The following SPOCK1 variants were observed in gnomAD, a reference collection of about 807,000 sequenced individuals.
SPOCK1 encodes SPARC (osteonectin), cwcv and kazal like domains proteoglycan 1, also known as testican-1.
A neutral mutation model predicts 55.3 loss-of-function variants in SPOCK1; 23 were observed. The ratio of observed to expected loss-of-function variants is 0.42; its 90% CI spans 0.30 to 0.59. SPOCK1 has a LOEUF of 0.59. SPOCK1 is among the 20% of genes least tolerant of loss of function. The pLI is 0.22. For missense variants in SPOCK1, 499 were observed against 552.5 expected (o/e 0.90, Z 0.97); for synonymous variants, 226 against 221.0 (o/e 1.02, Z -0.20).
chr5:137,225,451 T>C (rs1022156367), intron 3 of SPOCK1, among the ~76,000 whole-genome samples: 4 of 151,966 alleles, frequency 2.6e-5, no homozygotes, highest in African/African-American at 9.7e-5. Context: ...TACTAACGAG[T>C]ATTAAAGAAC....
At chr5:137,337,054 C>G (rs1253407884) in intron 2 of SPOCK1, among the ~76,000 whole-genome samples, 1 of 152,198 alleles carries the variant, frequency 6.6e-6, no homozygotes, top group East Asian at 1.9e-4. Flanking sequence ...TAGAACAGTG[C>G]CTGGCACACA....
intron 2 of SPOCK1, among the ~76,000 whole-genome samples, chr5:137,304,842 C>T (rs955000352): frequency 6.6e-6 from 1 of 152,152 alleles, no homozygotes; most frequent in Non-Finnish European, 1.5e-5. Context: ...TCCTCTTCTG[C>T]CAGTGGGGGC....
chr5:137,008,542 A>G (rs990635620), intron 6 of SPOCK1, among the ~76,000 whole-genome samples: 2 of 152,234 alleles, frequency 1.3e-5, no homozygotes, highest in African/African-American at 4.8e-5. Flanking sequence ...TATACAGTTA[A>G]CCAGGAACTA....
At chr5:137,498,594 GGGC>G in intron 1 of SPOCK1, 36 bp from the exon 2 acceptor site, 1 of 1,290,790 alleles carries the variant, frequency 7.7e-7, no homozygotes, top group South Asian at 2.6e-5. Flanking sequence ...TGAGCGAAGA[GGGC>G]GGGCGGCCGC....
At chr5:137,357,238 A>G (rs1481815490) in intron 2 of SPOCK1, among the ~76,000 whole-genome samples, 1 of 152,102 alleles carries the variant, frequency 6.6e-6, no homozygotes, top group Non-Finnish European at 1.5e-5. Context: ...TGCTAACTCC[A>G]TCCATTCAGC....
intron 2 of SPOCK1, among the ~76,000 whole-genome samples, chr5:137,315,900 G>A (rs775190566): frequency 6.6e-6 from 1 of 152,182 alleles, no homozygotes; most frequent in Non-Finnish European, 1.5e-5. Context: ...TGGGGGCAGG[G>A]TGCTGGAGAG....
chr5:137,197,428 T>C (rs1465711312), intron 3 of SPOCK1, among the ~76,000 whole-genome samples: 2 of 152,304 alleles, frequency 1.3e-5, no homozygotes, highest in East Asian at 3.9e-4. Context: ...CAAGTCACTG[T>C]GCCACTCTGG....
chr5:137,111,309 C>T (rs10479145), intron 5 of SPOCK1, among the ~76,000 whole-genome samples: 38,901 of 151,892 alleles, frequency 0.26, 5,419 homozygotes, highest in Non-Finnish European at 0.32. Context: ...ACCAAGATGT[C>T]CCCTACAGCA....
intron 4 of SPOCK1, among the ~76,000 whole-genome samples, chr5:137,127,622 G>T (rs902201614): frequency 6.6e-6 from 1 of 152,228 alleles, no homozygotes; most frequent in Non-Finnish European, 1.5e-5. Flanking sequence ...GAATGTTAAA[G>T]TTTACTACTA....
At chr5:137,169,464 C>T (rs35890961) in intron 3 of SPOCK1, among the ~76,000 whole-genome samples, 27,428 of 151,918 alleles carry the variant, frequency 0.18, 2,666 homozygotes, top group Middle Eastern at 0.28. Flanking sequence ...ATACCTACTA[C>T]ACACCCACAA....
intron 6 of SPOCK1, among the ~76,000 whole-genome samples, chr5:137,041,813 G>T (rs1191360120): frequency 6.6e-6 from 1 of 152,122 alleles, no homozygotes; most frequent in Non-Finnish European, 1.5e-5. Flanking sequence ...CCAATTGCTG[G>T]CAATCATGCA....
At chr5:137,240,540 A>G (rs1337134130) in intron 3 of SPOCK1, among the ~76,000 whole-genome samples, 1 of 152,178 alleles carries the variant, frequency 6.6e-6, no homozygotes, top group African/African-American at 2.4e-5. Flanking sequence ...ACCAGATGCC[A>G]CCTCCAACAC....
chr5:137,260,548 C>T (rs1756726437), intron 3 of SPOCK1, among the ~76,000 whole-genome samples: 1 of 152,112 alleles, frequency 6.6e-6, no homozygotes, highest in African/African-American at 2.4e-5. Context: ...ATGATATGGT[C>T]ACCTTTAGAG....
chr5:137,010,923 T>C (rs1359119869), intron 6 of SPOCK1, among the ~76,000 whole-genome samples: 2 of 152,168 alleles, frequency 1.3e-5, no homozygotes, highest in African/African-American at 4.8e-5. Context: ...TCGCATATTG[T>C]ATTGAGGGAT....
chr5:137,170,631 T>A (rs181716100), intron 3 of SPOCK1, among the ~76,000 whole-genome samples: 6 of 149,642 alleles, frequency 4.0e-5, no homozygotes, highest in African/African-American at 1.5e-4. Flanking sequence ...CTGTGGACAC[T>A]AACAGAAGGC....
intron 2 of SPOCK1, among the ~76,000 whole-genome samples, chr5:137,407,786 A>G (rs1752131146): frequency 6.6e-6 from 1 of 152,196 alleles, no homozygotes; most frequent in South Asian, 2.1e-4. Context: ...ACCTATCAGC[A>G]GAGCCATAGA....
intron 2 of SPOCK1, among the ~76,000 whole-genome samples, chr5:137,496,211 T>C (rs1370354562): frequency 3.9e-5 from 6 of 152,138 alleles, no homozygotes; most frequent in Admixed American, 3.3e-4. Context: ...TTCTCCAGGG[T>C]AGGACCATGG....
intron 2 of SPOCK1, among the ~76,000 whole-genome samples, chr5:137,361,059 C>T (rs1312559235): frequency 1.3e-5 from 2 of 152,128 alleles, no homozygotes; most frequent in African/African-American, 2.4e-5. Context: ...GGTGCTGCCC[C>T]ATTAAGGGAT....
At chr5:137,361,481 G>A (rs778106223) in intron 2 of SPOCK1, among the ~76,000 whole-genome samples, 47 of 152,166 alleles carry the variant, frequency 3.1e-4, no homozygotes, top group Non-Finnish European at 4.6e-4. Context: ...ATGTGTACGT[G>A]CATAGATAAA....
Sources: allele counts gnomAD v4.1 joint callset (sites outside exome capture counted in the v4.1 genomes callset), GRCh38; gene constraint gnomAD v4.1.1; transcripts MANE v1.5; gene names NCBI Gene and HGNC (gene_info 2026-07-23, HGNC 2026-07-21).